Variants in FHIP1A observed in about 807,000 individuals in gnomAD.
The protein encoded by FHIP1A is FHF complex subunit HOOK-interacting protein 1A.
A neutral mutation model predicts 88.6 loss-of-function variants in FHIP1A; 61 were observed. That is an observed-to-expected ratio of 0.69 (90% confidence interval 0.56 to 0.85). The LOEUF (loss-of-function observed/expected upper bound fraction) is 0.85, where lower values mean the gene tolerates loss of function less well. Among genes scored for constraint, FHIP1A ranks in the 40% least tolerant of loss-of-function variants. The pLI, the probability that FHIP1A is intolerant of heterozygous loss-of-function variation, is 0.00. For missense variants in FHIP1A, 1,154 were observed against 1,273.5 expected (o/e 0.91, Z 1.43); for synonymous variants, 478 against 496.0 (o/e 0.96, Z 0.48).
rs1737769128 is a variant in FHIP1A, at chr4:151,669,121, G to A, written c.*6367G>A. Among the ~76,000 whole-genome samples, 1 of 152,212 alleles carries A rather than the reference G, an allele frequency of 6.6e-6. No individual in the cohort carries two copies. The highest frequency in any genetic ancestry group is 1.5e-5 in the Non-Finnish European group (1 of 68,042). ...GCAGAGCCATCTTTGCGAATTTCTT[G>A]GGGTGTTAATGTAAACATATCTTTA... On this transcript the variant is annotated 3_prime_UTR_variant, in exon 14 of 14. Coordinates refer to ENST00000435205, the MANE Select transcript of FHIP1A (RefSeq NM_001109977.3).
chr4:151,584,723 T>G (rs1734143012), intron 5 of FHIP1A, among the ~76,000 whole-genome samples: 2 of 152,184 alleles, frequency 1.3e-5, no homozygotes, highest in South Asian at 4.2e-4. Context: ...CCCGTTTACC[T>G]TGCCAGCCTC....
intron 1 of FHIP1A, among the ~76,000 whole-genome samples, chr4:151,443,288 A>G (rs894503333): frequency 6.6e-6 from 1 of 152,066 alleles, no homozygotes; most frequent in African/African-American, 2.4e-5. Flanking sequence ...ACAGAGCGAG[A>G]CTGTCTTAAA....
rs1480737501 is a variant in FHIP1A at position 151,667,336 on chromosome 4, ACC to A, written c.*4584_*4585del. The stretch of plus-strand genomic sequence containing the variant: ...ACACTGTCAAACCACTTTATGTTCC[ACC>A]CTTAAATCACATCACTGAGGAAACA... On this transcript the variant is annotated 3_prime_UTR_variant, in exon 14 of 14. Transcript: ENST00000435205. The A allele has an allele frequency of 6.6e-6, 1 of 152,208 alleles. No homozygotes were observed. The highest frequency in any genetic ancestry group is 1.5e-5 in the Non-Finnish European group (1 of 68,038). The allele number at this position is 152,208 out of a possible 1,614,324, so 9.4% of individuals were successfully genotyped here.
chr4:151,426,283 T>G (rs913870145), intron 1 of FHIP1A, among the ~76,000 whole-genome samples: 1 of 152,198 alleles, frequency 6.6e-6, no homozygotes, highest in Admixed American at 6.5e-5. Flanking sequence ...ACCAAGATTC[T>G]TTAGTAATCA....
intron 11 of FHIP1A, 57 bp downstream of exon 11, chr4:151,650,649 G>C: frequency 6.7e-7 from 1 of 1,481,506 alleles, no homozygotes; most frequent in Non-Finnish European, 9.0e-7. Flanking sequence ...GTATATATTG[G>C]AACAGGAAAG....
intron 7 of FHIP1A, among the ~76,000 whole-genome samples, chr4:151,622,282 G>T (rs12648420): frequency 1.3e-5 from 2 of 151,992 alleles, no homozygotes; most frequent in African/African-American, 2.4e-5. Flanking sequence ...GATGAGGGCA[G>T]GGTAAGGTAC....
intron 3 of FHIP1A, among the ~76,000 whole-genome samples, chr4:151,487,184 T>C (rs1382506982): frequency 6.6e-6 from 1 of 152,168 alleles, no homozygotes; most frequent in Non-Finnish European, 1.5e-5. Context: ...CCTGTATTTC[T>C]TATCTTTAAG....
chr4:151,512,172 A>G (rs1000461047), intron 3 of FHIP1A, among the ~76,000 whole-genome samples: 2 of 152,248 alleles, frequency 1.3e-5, no homozygotes, highest in African/African-American at 4.8e-5. Context: ...GTACCCAGGC[A>G]AACAGGGTCT....
chr4:151,411,343 A>ATTTTTTTTTTTTTTTT (rs370374898), intron 1 of FHIP1A, among the ~76,000 whole-genome samples: 4 of 112,240 alleles, frequency 3.6e-5, no homozygotes, highest in Non-Finnish European at 7.1e-5. Context: ...GTGAAATTAT[A>ATTTTTTTTTTTTTTTT]TATATATTTT....
At chr4:151,445,461 G>C (rs556834107) in intron 1 of FHIP1A, among the ~76,000 whole-genome samples, 1 of 152,054 alleles carries the variant, frequency 6.6e-6, no homozygotes, top group Non-Finnish European at 1.5e-5. Context: ...CAGCAAGGTG[G>C]AGTGGGGGGG....
At chr4:151,535,080 T>G (rs1161103350) in intron 3 of FHIP1A, among the ~76,000 whole-genome samples, 1 of 152,006 alleles carries the variant, frequency 6.6e-6, no homozygotes, top group Non-Finnish European at 1.5e-5. Flanking sequence ...CCGGGTGTGG[T>G]GGTGCACACC....
At chr4:151,422,784 C>T (rs1037188147) in intron 1 of FHIP1A, among the ~76,000 whole-genome samples, 2 of 152,096 alleles carry the variant, frequency 1.3e-5, no homozygotes, top group African/African-American at 2.4e-5. Context: ...TAGACCTGCC[C>T]AGCTGGAATT....
chr4:151,612,037 T>C (rs1017599446), intron 7 of FHIP1A, among the ~76,000 whole-genome samples: 6 of 152,172 alleles, frequency 3.9e-5, no homozygotes, highest in Non-Finnish European at 8.8e-5. Context: ...TTCCAGAGAT[T>C]ATCTAGTTCC....
At chr4:151,655,421 T>C (rs1274131033) in intron 11 of FHIP1A, among the ~76,000 whole-genome samples, 1 of 152,246 alleles carries the variant, frequency 6.6e-6, no homozygotes, top group African/African-American at 2.4e-5. Flanking sequence ...TTTTTCTTAA[T>C]GGACCGCTTT....
At chr4:151,486,967 T>TAAAA (rs72527669) in intron 3 of FHIP1A, among the ~76,000 whole-genome samples, 1 of 143,994 alleles carries the variant, frequency 6.9e-6, no homozygotes. Flanking sequence ...AAACTCCATT[T>TAAAA]AAAAAAAAAA....
chr4:151,519,358 G>A (rs79835129), intron 3 of FHIP1A, among the ~76,000 whole-genome samples: 265 of 152,166 alleles, frequency 1.7e-3, no homozygotes, highest in Non-Finnish European at 3.2e-3. Flanking sequence ...TCTTTATGTG[G>A]TGGTTCTTTC....
rs545287121 is a variant in FHIP1A, at chr4:151,528,901, C to T, written c.-122-37237C>T. On this transcript the variant is annotated intron_variant, in intron 3 of 13. Transcript: ENST00000435205. ...AGCTTCTGGACTTTATTTGGTGTTT[C>T]ACTTCATGGAACTTCTTAAAGTTAT... 5.3e-5 allele frequency among the ~76,000 whole-genome samples: 8 copies of T among 152,224 alleles called. No individual in the cohort carries two copies. In the South Asian group the frequency reaches 1.7e-3, roughly 32 times the overall value.
rs564682590 is a variant in FHIP1A at position 151,524,589 on chromosome 4, G to A, written c.-122-41549G>A. On this transcript the variant is annotated intron_variant, in intron 3 of 13. Transcript: ENST00000435205. ...CTCAACTTAAAGTGGGAGTCTTGTA[G>A]CCATGGGTGGTGAACAGAGGGCTGA... is the stretch of plus-strand genomic sequence containing the variant. 2.6e-5 allele frequency among the ~76,000 whole-genome samples: 4 copies of A among 152,322 alleles called. No homozygotes were observed. In the South Asian group the frequency reaches 6.2e-4, roughly 24 times the overall value.
At chr4:151,569,553 A>T (rs934754691) in intron 4 of FHIP1A, among the ~76,000 whole-genome samples, 6 of 144,340 alleles carry the variant, frequency 4.2e-5, no homozygotes, top group South Asian at 4.4e-4. Context: ...CAATGTCTTT[A>T]AAAAAAAAAA....
Sources: gnomAD v4.1 joint callset for allele counts (sites outside exome capture counted in the v4.1 genomes callset) on GRCh38, gnomAD v4.1.1 for gene constraint, MANE v1.5 for transcripts, NCBI Gene and HGNC (gene_info 2026-07-23, HGNC 2026-07-21) for gene names.